DTNB: variants seen among roughly 807,000 people sequenced by gnomAD.
DTNB encodes the protein dystrobrevin beta.
In DTNB, 63 loss-of-function variants were observed where a neutral mutation model predicts 90.7. That is an observed-to-expected ratio of 0.69 (90% CI 0.57 to 0.86). DTNB has a LOEUF of 0.86. Among genes scored for constraint, DTNB ranks in the 40% least tolerant of loss-of-function variants. DTNB has a pLI of 0.00. For missense variants in DTNB, 744 were observed against 807.1 expected, an observed-to-expected ratio of 0.92 and a Z score of 0.95; for synonymous variants, 277 against 286.7, an observed-to-expected ratio of 0.97 and a Z score of 0.34.
intron 8 of DTNB, among the ~76,000 whole-genome samples, chr2:25,555,717 T>C (rs184038953): frequency 1.1e-4 from 17 of 152,290 alleles, no homozygotes; most frequent in Non-Finnish European, 1.6e-4. Context: ...CTATTTAATA[T>C]GAAATAGATC....
At chr2:25,460,886 C>T (rs1335149237) in intron 10 of DTNB, among the ~76,000 whole-genome samples, 1 of 147,442 alleles carries the variant, frequency 6.8e-6, no homozygotes, top group Non-Finnish European at 1.5e-5. Context: ...GGAACTGAGG[C>T]CAAGAAAGGT....
intron 8 of DTNB, among the ~76,000 whole-genome samples, chr2:25,543,375 G>A (rs57767932): frequency 1.2e-3 from 175 of 151,592 alleles, no homozygotes; most frequent in Non-Finnish European, 2.1e-3. Flanking sequence ...GCACGATCTC[G>A]ACTCACTGCA....
At chr2:25,398,086 C>T (rs2042866449) in intron 16 of DTNB, among the ~76,000 whole-genome samples, 1 of 152,174 alleles carries the variant, frequency 6.6e-6, no homozygotes, top group Non-Finnish European at 1.5e-5. Flanking sequence ...CAGCATGACA[C>T]TGAACCTTTG....
intron 3 of DTNB, among the ~76,000 whole-genome samples, chr2:25,635,627 A>G (rs1559334896): frequency 6.6e-6 from 1 of 152,206 alleles, no homozygotes; most frequent in Non-Finnish European, 1.5e-5. Context: ...AAATCTCTGC[A>G]GGACTGTACA....
At chr2:25,489,879 C>T (rs1047646572) in intron 9 of DTNB, among the ~76,000 whole-genome samples, 2 of 152,090 alleles carry the variant, frequency 1.3e-5, no homozygotes, top group Admixed American at 6.5e-5. Context: ...AAAGGATTCA[C>T]ACAAACTTAA....
intron 3 of DTNB, among the ~76,000 whole-genome samples, chr2:25,633,682 C>T (rs1300879346): frequency 6.7e-6 from 1 of 150,038 alleles, no homozygotes; most frequent in African/African-American, 2.5e-5. Flanking sequence ...AAATGAGGAG[C>T]GTCTCTGCCC....
intron 8 of DTNB, among the ~76,000 whole-genome samples, chr2:25,534,451 T>C (rs2078937338): frequency 6.6e-6 from 1 of 152,130 alleles, no homozygotes; most frequent in South Asian, 2.1e-4. Flanking sequence ...TTTCCCCACA[T>C]TTCCCCCTTT....
chr2:25,471,940 A>C (rs1415180799), intron 10 of DTNB, among the ~76,000 whole-genome samples: 1 of 152,198 alleles, frequency 6.6e-6, no homozygotes, highest in African/African-American at 2.4e-5. Context: ...ATTTACACAT[A>C]ATATGTATAA....
chr2:25,573,049 C>T (rs576806669), intron 8 of DTNB, among the ~76,000 whole-genome samples: 1 of 152,110 alleles, frequency 6.6e-6, no homozygotes, highest in Non-Finnish European at 1.5e-5. Context: ...CAGGTTCAAG[C>T]GATTCTCCTG....
intron 1 of DTNB, among the ~76,000 whole-genome samples, chr2:25,658,353 G>A (rs908395499): frequency 6.6e-6 from 1 of 152,088 alleles, no homozygotes; most frequent in Non-Finnish European, 1.5e-5. Context: ...GTCACGATGT[G>A]AGAAACCTGG....
At chr2:25,422,940 C>G (rs1448483428) in intron 15 of DTNB, among the ~76,000 whole-genome samples, 2 of 152,156 alleles carry the variant, frequency 1.3e-5, no homozygotes, top group Non-Finnish European at 2.9e-5. Context: ...CGCCTGTAAT[C>G]CCAGCACTTT....
At chr2:25,482,651 C>A in intron 10 of DTNB, 145 bp downstream of exon 10, 1 of 783,868 alleles carries the variant, frequency 1.3e-6, no homozygotes, top group Non-Finnish European at 2.1e-6. Flanking sequence ...GAAATTAAGA[C>A]TAAAAGACGG....
At chr2:25,492,783 G>A (rs1233634331) in intron 9 of DTNB, among the ~76,000 whole-genome samples, 2 of 152,122 alleles carry the variant, frequency 1.3e-5, no homozygotes, top group Non-Finnish European at 2.9e-5. Context: ...CTGGGAGACT[G>A]AGGCTGTAGT....
chr2:25,644,820 C>T (rs1239081032), intron 2 of DTNB, among the ~76,000 whole-genome samples: 1 of 152,090 alleles, frequency 6.6e-6, no homozygotes, highest in Non-Finnish European at 1.5e-5. Flanking sequence ...ATAACTAACA[C>T]AAATGACTTC....
intron 4 of DTNB, among the ~76,000 whole-genome samples, chr2:25,612,314 G>A (rs978031332): frequency 6.6e-6 from 1 of 152,014 alleles, no homozygotes; most frequent in Non-Finnish European, 1.5e-5. Flanking sequence ...AAAAGAGAGA[G>A]AAAAATAATA....
At chr2:25,526,362 A>AATATAAATATATATATAT (rs2077081319) in intron 9 of DTNB, among the ~76,000 whole-genome samples, 1 of 99,816 alleles carries the variant, frequency 1.0e-5, no homozygotes, top group African/African-American at 4.3e-5. Flanking sequence ...AATATATATA[A>AATATAAATATATATATAT]ATATATATAT....
At chr2:25,609,962 A>G (rs1357018154) in intron 4 of DTNB, among the ~76,000 whole-genome samples, 2 of 152,248 alleles carry the variant, frequency 1.3e-5, no homozygotes, top group East Asian at 1.9e-4. Context: ...GTGCATGAAA[A>G]GACACTGACC....
chr2:25,565,610 G>A (rs1204257633), intron 8 of DTNB, among the ~76,000 whole-genome samples: 1 of 130,788 alleles, frequency 7.6e-6, no homozygotes. Context: ...CCAGTTTATT[G>A]CATTTTTTTT....
rs1210799393 is a variant in DTNB, at chr2:25,607,262, C to G, written c.422G>C (p.Gly141Ala). 1 of 1,606,822 alleles carries G rather than the reference C, an allele frequency of 6.2e-7. No homozygotes were observed. Among genetic ancestry groups the G allele is most frequent in the Middle Eastern group, 1.7e-4 (1 of 6,054 alleles). The change falls in exon 5 of 21, where the codon GGT (glycine) becomes GCT (alanine). Residue 141 changes from glycine (G) to alanine (A), a missense_variant. Gly to Ala is a moderately conservative substitution (Grantham distance 60). Coordinates refer to ENST00000406818, the MANE Select transcript of DTNB (RefSeq NM_021907.5). Reference protein sequence around the residue: ...SVKAMLATMCGGKMLDKLRYV... With the variant: ...SVKAMLATMCAGKMLDKLRYV... ...TCTCAATTTGTCCAGCATTTTTCCACCACACATGGTTGCTAACATAGCTTT... is the reference window on the plus strand; with the variant it reads ...TCTCAATTTGTCCAGCATTTTTCCAGCACACATGGTTGCTAACATAGCTTT...
Sources: gnomAD v4.1 joint callset for allele counts (sites outside exome capture counted in the v4.1 genomes callset) on GRCh38, gnomAD v4.1.1 for gene constraint, MANE v1.5 for transcripts, NCBI Gene and HGNC (gene_info 2026-07-23, HGNC 2026-07-21) for gene names.